ZCWPW2: variants seen among roughly 807,000 people sequenced by gnomAD.
The protein encoded by ZCWPW2 is zinc finger CW-type and PWWP domain containing 2, also known as zinc finger CW-type PWWP domain protein 2.
ZCWPW2 carries 45 observed loss-of-function variants against 46.6 expected under a neutral mutation model. That is an observed-to-expected ratio of 0.96 (90% CI 0.76 to 1.24). The LOEUF (loss-of-function observed/expected upper bound fraction) is 1.24, where lower values mean the gene tolerates loss of function less well. ZCWPW2 is among the 50% of genes most tolerant of loss of function. The probability of loss-of-function intolerance (pLI) is 0.00; values close to 1 mark genes in which losing one functional copy is unlikely to be tolerated. For missense variants in ZCWPW2, 429 were observed against 403.9 expected (o/e 1.06, Z -0.53); for synonymous variants, 152 against 137.1 (o/e 1.11, Z -0.76).
chr3:28,403,158 T>C lies in ZCWPW2; in HGVS notation c.-13-9898T>C, dbSNP rs1696017244. Reference sequence around the variant, plus strand: ...GTTTACCTAGAGAACCCTAAAGACTTCTCCAGAAAGTTCCTAGAACTGATA... The same window carrying C: ...GTTTACCTAGAGAACCCTAAAGACTCCTCCAGAAAGTTCCTAGAACTGATA... On this transcript the variant is annotated intron_variant, in intron 2 of 9. Transcript: ENST00000383768. 2.0e-5 allele frequency among the ~76,000 whole-genome samples: 3 copies of C among 151,956 alleles called. No homozygotes were observed. In the South Asian group the frequency reaches 6.2e-4, roughly 32 times the overall value.
chr3:28,413,825 C>T (rs1201355639), intron 3 of ZCWPW2, among the ~76,000 whole-genome samples: 3 of 151,998 alleles, frequency 2.0e-5, no homozygotes, highest in Admixed American at 1.3e-4. Flanking sequence ...CTGTTGTAAT[C>T]AGTTCCACTG....
chr3:28,429,275 C>G (rs1054659149), intron 3 of ZCWPW2, among the ~76,000 whole-genome samples: 3 of 152,130 alleles, frequency 2.0e-5, no homozygotes, highest in East Asian at 3.9e-4. Context: ...TATGCCTTAG[C>G]AAAAAGACTG....
chr3:28,441,262 T>G (rs979265826), intron 4 of ZCWPW2, among the ~76,000 whole-genome samples: 1 of 152,198 alleles, frequency 6.6e-6, no homozygotes, highest in African/African-American at 2.4e-5. Flanking sequence ...GAGAGGTCCA[T>G]CCACATACCT....
chr3:28,353,269 A>G (rs189620241), intron 1 of ZCWPW2, among the ~76,000 whole-genome samples: 1 of 152,192 alleles, frequency 6.6e-6, no homozygotes, highest in African/African-American at 2.4e-5. Flanking sequence ...TAGTCATTTA[A>G]TGAGGTCACA....
At chr3:28,496,837 G>A (rs1700003307) in intron 6 of ZCWPW2, among the ~76,000 whole-genome samples, 1 of 151,592 alleles carries the variant, frequency 6.6e-6, no homozygotes, top group African/African-American at 2.4e-5. Flanking sequence ...TGGTTCACAA[G>A]TGAAGAAAAC....
intron 6 of ZCWPW2, among the ~76,000 whole-genome samples, chr3:28,506,084 A>G (rs1310356669): frequency 6.8e-6 from 1 of 146,922 alleles, no homozygotes; most frequent in Non-Finnish European, 1.5e-5. Context: ...AAATATATAT[A>G]TTATATATAT....
At chr3:28,477,269 AACTT>A (rs1266622104) in intron 4 of ZCWPW2, among the ~76,000 whole-genome samples, 1 of 152,226 alleles carries the variant, frequency 6.6e-6, no homozygotes, top group South Asian at 2.1e-4. Context: ...CCTATGAAAT[AACTT>A]ACTTAATGAA....
chr3:28,464,870 C>T (rs1698763405), intron 4 of ZCWPW2, among the ~76,000 whole-genome samples: 1 of 152,150 alleles, frequency 6.6e-6, no homozygotes, highest in South Asian at 2.1e-4. Flanking sequence ...ATCACAGGAA[C>T]TGCTGTAGAT....
Position 28,514,122 on chromosome 3 carries a change from G to T in ZCWPW2, c.716G>T (p.Arg239Met), listed in dbSNP as rs758105232. The change falls in exon 7 of 10, where the codon AGG (arginine) becomes ATG (methionine). Residue 239 changes from arginine (R) to methionine (M), a missense_variant and splice_region_variant. Transcript: ENST00000383768. Reference sequence around the variant, plus strand: ...AAGCCCAAATTTAGAAAAAGGAAAAGGTATGCTTTTTGAAATTAAATAGTA... The same window carrying T: ...AAGCCCAAATTTAGAAAAAGGAAAATGTATGCTTTTTGAAATTAAATAGTA... ...KKKPKFRKRK[R>M]KAILKCSFEN... The T allele has an allele frequency of 8.1e-6, 12 of 1,472,948 alleles. No individual in the cohort carries two copies. In the African/African-American group the frequency reaches 8.5e-5, roughly 10 times the overall value. The allele number at this position is 1,472,948 out of a possible 1,614,324, so 91.2% of individuals were successfully genotyped here.
chr3:28,446,700 A>G (rs775110742), intron 4 of ZCWPW2, among the ~76,000 whole-genome samples: 1 of 152,088 alleles, frequency 6.6e-6, no homozygotes, highest in African/African-American at 2.4e-5. Context: ...TAATAGAAAA[A>G]CAATAGAGAA....
chr3:28,410,603 C>CTT (rs3068910), intron 2 of ZCWPW2, among the ~76,000 whole-genome samples: 45,496 of 151,474 alleles, frequency 0.3, 7,087 homozygotes, highest in African/African-American at 0.35. Context: ...TTAAGTAACT[C>CTT]GGGTAAAAGA....
intron 2 of ZCWPW2, among the ~76,000 whole-genome samples, chr3:28,396,950 A>G (rs1349133713): frequency 2.0e-5 from 3 of 151,896 alleles, no homozygotes; most frequent in African/African-American, 7.3e-5. Flanking sequence ...CCAACATGGC[A>G]AAACTCCGTC....
intron 6 of ZCWPW2, among the ~76,000 whole-genome samples, chr3:28,500,201 T>C (rs558102022): frequency 2.6e-4 from 39 of 152,208 alleles, no homozygotes; most frequent in African/African-American, 8.4e-4. Flanking sequence ...CAGGTATTAG[T>C]ATAATAAAGA....
intron 3 of ZCWPW2, among the ~76,000 whole-genome samples, chr3:28,422,822 G>T (rs1424768983): frequency 6.6e-6 from 1 of 151,984 alleles, no homozygotes; most frequent in Non-Finnish European, 1.5e-5. Flanking sequence ...TTCCAAAGTG[G>T]CTGTATTATT....
At chr3:28,484,581 T>C (rs1430210784) in intron 5 of ZCWPW2, among the ~76,000 whole-genome samples, 2 of 152,130 alleles carry the variant, frequency 1.3e-5, no homozygotes, top group Non-Finnish European at 2.9e-5. Context: ...TTCATAATGT[T>C]CCTTTATTTT....
chr3:28,479,576 G>A (rs900374419), intron 5 of ZCWPW2, among the ~76,000 whole-genome samples: 10 of 152,076 alleles, frequency 6.6e-5, no homozygotes, highest in African/African-American at 2.2e-4. Context: ...TGTTATATAG[G>A]TAAACTTGTG....
chr3:28,482,322 T>A (rs1394814871), intron 5 of ZCWPW2, among the ~76,000 whole-genome samples: 1 of 152,226 alleles, frequency 6.6e-6, no homozygotes, highest in African/African-American at 2.4e-5. Flanking sequence ...TTTGCATGGC[T>A]TGATAGATCT....
rs1700843103 is a variant in ZCWPW2, at chr3:28,526,277, T to C, written c.*1589T>C. Among the ~76,000 whole-genome samples, 1 of 152,194 alleles carries C rather than the reference T, an allele frequency of 6.6e-6. No individual in the cohort carries two copies. The highest frequency in any genetic ancestry group is 2.4e-5 in the African/African-American group (1 of 41,452). On this transcript the variant is annotated 3_prime_UTR_variant, in exon 10 of 10. Transcript: ENST00000383768. Reference sequence around the variant, plus strand: ...TATACATTTGAAATGATCAGTTTTCTTTCTGTTATATCATTTAATCTACTA... The same window carrying C: ...TATACATTTGAAATGATCAGTTTTCCTTCTGTTATATCATTTAATCTACTA...
intron 2 of ZCWPW2, among the ~76,000 whole-genome samples, chr3:28,402,104 C>CA (rs1421608460): frequency 2.7e-5 from 4 of 150,928 alleles, no homozygotes; most frequent in African/African-American, 7.3e-5. Flanking sequence ...AACAAACAAA[C>CA]AAAAAAATAC....
Sources: allele counts gnomAD v4.1 joint callset (sites outside exome capture counted in the v4.1 genomes callset), GRCh38; gene constraint gnomAD v4.1.1; transcripts MANE v1.5; gene names NCBI Gene and HGNC (gene_info 2026-07-23, HGNC 2026-07-21).